The following ARPC1A variants were observed in gnomAD, a reference collection of about 807,000 sequenced individuals.
The protein encoded by ARPC1A is actin-related protein 2/3 complex subunit 1A.
Under a neutral mutation model 46.9 loss-of-function variants are expected in ARPC1A, and 8 were observed. The observed-to-expected ratio is 0.17, with a 90% CI of 0.10 to 0.31. ARPC1A has a LOEUF of 0.31. Ranked by LOEUF, ARPC1A falls within the 10% of genes least tolerant of loss-of-function variation. The pLI, the probability that ARPC1A is intolerant of heterozygous loss-of-function variation, is 1.00. For missense variants in ARPC1A, 286 were observed against 483.6 expected (o/e 0.59, Z 3.83); for synonymous variants, 152 against 169.0 (o/e 0.90, Z 0.78).
chr7:99,336,694 G>A (rs375963859), intron 2 of ARPC1A, among the ~76,000 whole-genome samples: 21 of 151,994 alleles, frequency 1.4e-4, no homozygotes, highest in African/African-American at 4.6e-4. Flanking sequence ...GGGTTTCCCC[G>A]TGTTGGCCAG....
At chr7:99,326,432 G>A (rs1213006322) in intron 1 of ARPC1A, among the ~76,000 whole-genome samples, 2 of 152,176 alleles carry the variant, frequency 1.3e-5, no homozygotes, top group Non-Finnish European at 2.9e-5. Context: ...GCTCTCTAGG[G>A]CAGCCCTCAA....
chr7:99,342,667 T>C (rs531666633), intron 3 of ARPC1A, among the ~76,000 whole-genome samples: 5 of 151,870 alleles, frequency 3.3e-5, no homozygotes, highest in African/African-American at 1.2e-4. Flanking sequence ...AAAATTGAGC[T>C]GATATTTCAT....
intron 8 of ARPC1A, among the ~76,000 whole-genome samples, chr7:99,362,112 T>C (rs1242152205): frequency 6.6e-6 from 1 of 151,924 alleles, no homozygotes; most frequent in Non-Finnish European, 1.5e-5. Context: ...CTGACCAACA[T>C]GGCAAAACCC....
At chr7:99,352,152 C>T (rs1255387792) in intron 5 of ARPC1A, among the ~76,000 whole-genome samples, 1 of 152,162 alleles carries the variant, frequency 6.6e-6, no homozygotes, top group Non-Finnish European at 1.5e-5. Flanking sequence ...ATTGACTGCG[C>T]AGGCTTCCTG....
intron 4 of ARPC1A, among the ~76,000 whole-genome samples, chr7:99,347,816 C>T (rs919281452): frequency 4.1e-5 from 6 of 145,110 alleles, no homozygotes; most frequent in Non-Finnish European, 7.5e-5. Flanking sequence ...ACAACAAGAG[C>T]GAAACTCCAT....
Position 99,354,195 on chromosome 7 carries a change from C to G in ARPC1A, c.713+74C>G, listed in dbSNP as rs1584384420. On this transcript the variant is annotated intron_variant, in intron 6 of 9. Transcript: ENST00000262942. The stretch of plus-strand genomic sequence containing the variant: ...TCTCACCAGCTGAACCAGGACTGCC[C>G]TTCCTGGGGTGTTAGCACAGGGCAC... 13 of 1,505,884 alleles carry G rather than the reference C, an allele frequency of 8.6e-6. No homozygotes were observed. The East Asian group carries it at 3.0e-4, about 35-fold the overall frequency. The allele number at this position is 1,505,884 out of a possible 1,614,324, so 93.3% of individuals were successfully genotyped here. A position where few individuals can be genotyped will look rare whatever the true frequency, so the allele number is the denominator to read the frequency against.
intron 4 of ARPC1A, among the ~76,000 whole-genome samples, chr7:99,345,798 G>A (rs138848587): frequency 6.6e-6 from 1 of 152,264 alleles, no homozygotes; most frequent in East Asian, 1.9e-4. Flanking sequence ...ATGACTCTTT[G>A]TAGCTGTTTT....
At chr7:99,344,133 C>G (rs1019492410) in intron 3 of ARPC1A, among the ~76,000 whole-genome samples, 160 bp from the exon 4 acceptor site, 1 of 152,172 alleles carries the variant, frequency 6.6e-6, no homozygotes, top group Non-Finnish European at 1.5e-5. Flanking sequence ...CTTGCCTTTC[C>G]TTGAGGCGGT....
intron 6 of ARPC1A, among the ~76,000 whole-genome samples, chr7:99,355,743 CA>C (rs987931948): frequency 3.7e-4 from 52 of 140,480 alleles, no homozygotes; most frequent in South Asian, 9.0e-4. Flanking sequence ...GACTCCATCT[CA>C]AAAAAAAAAA....
chr7:99,329,082 C>T (rs1212194137), intron 1 of ARPC1A, among the ~76,000 whole-genome samples: 2 of 151,986 alleles, frequency 1.3e-5, no homozygotes, highest in Non-Finnish European at 2.9e-5. Flanking sequence ...AGGCGGATCA[C>T]GAGGTCAGGA....
intron 1 of ARPC1A, among the ~76,000 whole-genome samples, chr7:99,330,104 T>G (rs1389901867): frequency 1.3e-5 from 2 of 152,158 alleles, no homozygotes; most frequent in African/African-American, 4.8e-5. Flanking sequence ...TTGAATGCAT[T>G]TAAAATTTTT....
chr7:99,335,490 T>C (rs745571025), intron 2 of ARPC1A: 1 of 373,708 alleles, frequency 2.7e-6, no homozygotes, highest in African/African-American at 2.2e-5. Context: ...TGGTGGTAAG[T>C]TTTGAAATCA....
intron 1 of ARPC1A, 77 bp from the exon 2 acceptor site, chr7:99,333,248 A>C (rs985318926): frequency 1.8e-5 from 16 of 886,750 alleles, no homozygotes; most frequent in Non-Finnish European, 2.9e-5. Context: ...ACATCTTAAG[A>C]TCCTCAGGCA....
At chr7:99,334,292 G>A (rs373211066) in intron 2 of ARPC1A, among the ~76,000 whole-genome samples, 7 of 152,008 alleles carry the variant, frequency 4.6e-5, no homozygotes, top group African/African-American at 1.7e-4. Flanking sequence ...AATCCGGGAG[G>A]CAGAGGTTGC....
At chr7:99,362,339 T>TCCCC (rs1562803988) in intron 8 of ARPC1A, among the ~76,000 whole-genome samples, 23 of 135,928 alleles carry the variant, frequency 1.7e-4, no homozygotes, top group South Asian at 5.2e-4. Context: ...CGCCCCCCTT[T>TCCCC]TTTTTTTTTT....
At chr7:99,353,078 A>G (rs930769488) in intron 5 of ARPC1A, among the ~76,000 whole-genome samples, 6 of 151,882 alleles carry the variant, frequency 4.0e-5, no homozygotes, top group Non-Finnish European at 7.4e-5. Flanking sequence ...GGACTTACCT[A>G]TCATGATTTA....
intron 2 of ARPC1A, among the ~76,000 whole-genome samples, chr7:99,334,850 A>AT (rs200003119): frequency 0.084 from 12,106 of 144,072 alleles, 1,186 homozygotes; most frequent in African/African-American, 0.24. Flanking sequence ...CCTGGCTAAT[A>AT]TTTTTTTTTT....
At chr7:99,335,376 A>G (rs1229033433) in intron 2 of ARPC1A, 3 of 431,630 alleles carry the variant, frequency 7.0e-6, no homozygotes, top group Non-Finnish European at 4.5e-6. Context: ...TTGAAAATCA[A>G]CTGACTGTAA....
intron 3 of ARPC1A, among the ~76,000 whole-genome samples, chr7:99,338,682 C>G (rs896855503): frequency 2.0e-5 from 3 of 151,970 alleles, no homozygotes; most frequent in African/African-American, 7.3e-5. Flanking sequence ...CCGCACCTGG[C>G]CCGTAATATT....
Sources: gnomAD v4.1 joint callset for allele counts (sites outside exome capture counted in the v4.1 genomes callset) on GRCh38, gnomAD v4.1.1 for gene constraint, MANE v1.5 for transcripts, NCBI Gene and HGNC (gene_info 2026-07-23, HGNC 2026-07-21) for gene names.